PRKN: variants seen among roughly 807,000 people sequenced by gnomAD.
PRKN encodes E3 ubiquitin-protein ligase parkin.
Under a neutral mutation model 59.5 loss-of-function variants are expected in PRKN, and 56 were observed. The ratio of observed to expected loss-of-function variants is 0.94; its 90% CI spans 0.76 to 1.18. PRKN has a LOEUF of 1.18. Among genes scored for constraint, PRKN ranks in the 50% most tolerant of loss-of-function variants. PRKN has a pLI of 0.00. For missense variants in PRKN, 657 were observed against 596.4 expected (o/e 1.10, Z -1.06); for synonymous variants, 250 against 222.1 (o/e 1.13, Z -1.12).
intron 1 of PRKN, among the ~76,000 whole-genome samples, chr6:162,487,591 T>A (rs1263122969): frequency 6.6e-6 from 1 of 152,182 alleles, no homozygotes; most frequent in East Asian, 1.9e-4. Context: ...ACACAAGGAC[T>A]TCCTGGCAAA....
intron 7 of PRKN, among the ~76,000 whole-genome samples, chr6:161,585,779 T>C (rs1426969932): frequency 6.6e-6 from 1 of 152,126 alleles, no homozygotes; most frequent in Non-Finnish European, 1.5e-5. Flanking sequence ...GCCTTTTTAT[T>C]TTCTACAGCT....
chr6:162,088,909 G>C (rs1196580899), intron 4 of PRKN, among the ~76,000 whole-genome samples: 2 of 152,072 alleles, frequency 1.3e-5, no homozygotes, highest in Non-Finnish European at 2.9e-5. Context: ...TAAAAATTAA[G>C]TCAAAATGGA....
intron 5 of PRKN, among the ~76,000 whole-genome samples, chr6:161,980,515 C>G (rs1183708772): frequency 6.6e-6 from 1 of 152,170 alleles, no homozygotes; most frequent in African/African-American, 2.4e-5. Flanking sequence ...CACAGAAGAA[C>G]TAAACAGAGA....
At chr6:162,268,755 T>C (rs932003874) in intron 2 of PRKN, among the ~76,000 whole-genome samples, 6 of 152,116 alleles carry the variant, frequency 3.9e-5, no homozygotes, top group Admixed American at 1.3e-4. Flanking sequence ...CTGGTGTTCA[T>C]TGACTCTGCT....
Position 161,545,544 on chromosome 6 carries a change from A to G in PRKN, c.1083+3310T>C. 2 of 839,742 alleles carry G rather than the reference A, an allele frequency of 2.4e-6. No individual in the cohort carries two copies. Among genetic ancestry groups the G allele is most frequent in the South Asian group, 1.4e-5 (1 of 69,002 alleles). 52.0% of individuals were successfully genotyped at this position (839,742 alleles called of 1,614,324 possible). ...AATCTAACCACAATTTCTTCCAGAC[A>G]ATGGCTTTCCATTACACTCCTTAAA... On this transcript the variant is annotated intron_variant, in intron 9 of 11. Transcript: ENST00000366898. The surrounding 1 kb of genome is among the most constrained non-coding windows in gnomAD (Gnocchi z 4.1).
intron 6 of PRKN, among the ~76,000 whole-genome samples, chr6:161,798,045 C>CA (rs751974431): frequency 1.3e-5 from 2 of 152,058 alleles, no homozygotes; most frequent in Admixed American, 6.5e-5. Context: ...ACTAAAACTA[C>CA]AAAAAATTAA....
chr6:162,201,318 T>C (rs1784722358), intron 3 of PRKN, 66 bp from the exon 4 acceptor site: 1 of 1,560,450 alleles, frequency 6.4e-7, no homozygotes, highest in East Asian at 2.2e-5. Context: ...AGAAACTCTT[T>C]AAAAGCTTGT....
Position 162,346,478 on chromosome 6 carries a change from A to G in PRKN, c.172-83713T>C, listed in dbSNP as rs191960665. 2.4e-3 allele frequency among the ~76,000 whole-genome samples: 361 copies of G among 148,480 alleles called. 3 individuals are homozygous for G. The highest frequency in any genetic ancestry group is 8.6e-3 in the African/African-American group (350 of 40,690). On this transcript the variant is annotated intron_variant, in intron 2 of 11. Transcript: ENST00000366898. Reference sequence around the variant, plus strand: ...CAAAAAAAAAAAAAAAAAGCTAGCCAGGTGTGATGGTGCATGCCTGTAGTC... The same window carrying G: ...CAAAAAAAAAAAAAAAAAGCTAGCCGGGTGTGATGGTGCATGCCTGTAGTC...
At position 161,542,246 on chromosome 6, in the gene PRKN, A is replaced by G. The variant is rs140501246; in HGVS notation, c.1083+6608T>C. 7.2e-5 allele frequency among the ~76,000 whole-genome samples: 11 copies of G among 152,366 alleles called. No homozygotes were observed. The East Asian group carries it at 2.1e-3, about 29-fold the overall frequency. On this transcript the variant is annotated intron_variant, in intron 9 of 11. Coordinates refer to ENST00000366898, the MANE Select transcript of PRKN (RefSeq NM_004562.3). ...AAATACCTGCTCATTAGCCATTTAT[A>G]TTATTGACAAGGCTTCCCGTCAACA... is the stretch of plus-strand genomic sequence containing the variant.
At chr6:162,226,176 A>AT (rs1406147596) in intron 3 of PRKN, among the ~76,000 whole-genome samples, 1 of 151,762 alleles carries the variant, frequency 6.6e-6, no homozygotes, top group South Asian at 2.1e-4. Flanking sequence ...GAAAAGACTC[A>AT]TAAAAAAAGA....
intron 4 of PRKN, among the ~76,000 whole-genome samples, chr6:162,172,945 CCT>C (rs900030560): frequency 6.6e-6 from 1 of 152,032 alleles, no homozygotes; most frequent in Non-Finnish European, 1.5e-5. Context: ...AGTGCAACCC[CCT>C]GAGGGGCTGA....
At chr6:161,520,107 T>C (rs1035954287) in intron 9 of PRKN, among the ~76,000 whole-genome samples, 1 of 152,134 alleles carries the variant, frequency 6.6e-6, no homozygotes, top group Non-Finnish European at 1.5e-5. Context: ...AGGTGCACAG[T>C]TGATGGAAGG....
At chr6:162,098,747 C>T (rs765844553) in intron 4 of PRKN, among the ~76,000 whole-genome samples, 12 of 152,174 alleles carry the variant, frequency 7.9e-5, no homozygotes, top group Admixed American at 1.3e-4. Context: ...GACATTTCTT[C>T]CATGTACTTG....
chr6:162,643,954 T>C (rs1221048860), intron 1 of PRKN: 2 of 152,164 alleles, frequency 1.3e-5, no homozygotes, highest in Admixed American at 6.5e-5. Context: ...AGTAAAACCA[T>C]ATATAGAAAA....
intron 6 of PRKN, among the ~76,000 whole-genome samples, chr6:161,892,662 G>A (rs1044781594): frequency 7.2e-5 from 11 of 152,276 alleles, no homozygotes; most frequent in South Asian, 2.1e-4. Context: ...TCTCCTGAGC[G>A]CATGAGTTAG....
chr6:162,443,055 T>G (rs1291516008), intron 2 of PRKN, among the ~76,000 whole-genome samples: 3 of 152,196 alleles, frequency 2.0e-5, no homozygotes, highest in African/African-American at 7.2e-5. Context: ...AGACATTTAT[T>G]CACTAAGCCT....
rs549838879 is a variant in PRKN, at chr6:162,244,427, T to G, written c.412+18098A>C. 3.3e-5 allele frequency among the ~76,000 whole-genome samples: 5 copies of G among 151,668 alleles called. 2 individuals are homozygous for G. In the South Asian group the frequency reaches 1.0e-3, roughly 31 times the overall value. On this transcript the variant is annotated intron_variant, in intron 3 of 11. Coordinates refer to ENST00000366898, the MANE Select transcript of PRKN (RefSeq NM_004562.3). ...GTCTAAGATAGTTTGGAAACCCAAG[T>G]TCACAAAATTGTGTTTAAAAATATA...
intron 1 of PRKN, among the ~76,000 whole-genome samples, chr6:162,537,728 T>C (rs1213699137): frequency 1.3e-5 from 2 of 152,178 alleles, no homozygotes; most frequent in Admixed American, 1.3e-4. Flanking sequence ...CAGCTTCCTG[T>C]AGATGTTTCC....
chr6:161,980,824 C>G (rs571650763), intron 5 of PRKN, among the ~76,000 whole-genome samples: 7 of 152,156 alleles, frequency 4.6e-5, no homozygotes, highest in Non-Finnish European at 1.0e-4. Flanking sequence ...GCTGCACCAC[C>G]ACGAGGTGGA....
Sources: allele counts gnomAD v4.1 joint callset (sites outside exome capture counted in the v4.1 genomes callset), GRCh38; gene constraint gnomAD v4.1.1; non-coding constraint Gnocchi (gnomAD v3.1); transcripts MANE v1.5; gene names NCBI Gene and HGNC (gene_info 2026-07-23, HGNC 2026-07-21).